PSMD1: variants seen among roughly 807,000 people sequenced by gnomAD.
PSMD1 encodes the protein proteasome 26S subunit, non-ATPase 1, also known as 26S proteasome non-ATPase regulatory subunit 1.
In PSMD1, 18 loss-of-function variants were observed where a neutral mutation model predicts 119.0. The ratio of observed to expected loss-of-function variants is 0.15; its 90% CI spans 0.10 to 0.22. The LOEUF (loss-of-function observed/expected upper bound fraction) is 0.22. Among genes scored for constraint, PSMD1 ranks in the 10% least tolerant of loss-of-function variants. The pLI is 1.00. For synonymous variants in PSMD1, 374 were observed against 396.6 expected (o/e 0.94, Z 0.68); for missense variants, 702 against 1,158.5 (o/e 0.61, Z 5.72).
In PSMD1 at chr2:231,062,264, A is replaced by C. The variant is rs529827494; in HGVS notation, c.77A>C (p.Lys26Thr). Reference protein sequence around the residue: ...EPQLKEFALHKLNAVVNDFWA... With the variant: ...EPQLKEFALHTLNAVVNDFWA... The stretch of plus-strand genomic sequence containing the variant: ...CTTTTACAGGAATTTGCACTACACA[A>C]ATTGAATGCAGTTGTTAATGACTTC... The change falls in exon 3 of 25, where the codon AAA becomes ACA. Residue 26 changes from lysine (K) to threonine (T), a missense_variant. Transcript: ENST00000308696. 1 of 1,612,930 alleles carries C rather than the reference A, an allele frequency of 6.2e-7. No homozygotes were observed. Among genetic ancestry groups the C allele is most frequent in the African/African-American group, 1.3e-5 (1 of 75,034 alleles).
At chr2:231,164,516 T>C (rs1465686809) in intron 21 of PSMD1, among the ~76,000 whole-genome samples, 1 of 152,166 alleles carries the variant, frequency 6.6e-6, no homozygotes, top group African/African-American at 2.4e-5. Context: ...TGTTGATTAT[T>C]TGCTGTAAAT....
chr2:231,057,285 G>GCCACACC (rs1200116176), intron 1 of PSMD1, among the ~76,000 whole-genome samples: 2 of 152,106 alleles, frequency 1.3e-5, no homozygotes, highest in Admixed American at 6.5e-5. Context: ...ACACCCCAGC[G>GCCACACC]CCAGGACCCG....
At chr2:231,098,388 T>C (rs1694775309) in intron 16 of PSMD1, among the ~76,000 whole-genome samples, 1 of 152,148 alleles carries the variant, frequency 6.6e-6, no homozygotes, top group Non-Finnish European at 1.5e-5. Context: ...CTCTCTCTCT[T>C]TGAGTTTCTG....
At chr2:231,062,461 A>T (rs750689800) in intron 3 of PSMD1, 45 bp from the exon 4 acceptor site, 4 of 1,563,042 alleles carry the variant, frequency 2.6e-6, no homozygotes, top group Non-Finnish European at 3.5e-6. Context: ...ATTTTTAGGG[A>T]AAACCACAGT....
intron 1 of PSMD1, among the ~76,000 whole-genome samples, chr2:231,060,153 G>A (rs148740795): frequency 1.8e-4 from 27 of 152,270 alleles, no homozygotes; most frequent in African/African-American, 6.3e-4. Context: ...TTCACTGATT[G>A]AATTTTGAAA....
chr2:231,098,929 G>A (rs897033904), intron 16 of PSMD1, among the ~76,000 whole-genome samples: 12 of 152,174 alleles, frequency 7.9e-5, no homozygotes, highest in African/African-American at 2.9e-4. Context: ...CTTAGGTACA[G>A]AGGGAAATGG....
Position 231,083,681 on chromosome 2 carries a change from G to A in PSMD1, c.1640G>A (p.Gly547Asp). The A allele has an allele frequency of 6.2e-7, 1 of 1,614,204 alleles. No individual in the cohort carries two copies. Among genetic ancestry groups the A allele is most frequent in the African/African-American group, 1.3e-5 (1 of 75,064 alleles). Reference protein sequence around the residue: ...QETQHEKILRGLAVGIALVMY... With the variant: ...QETQHEKILRDLAVGIALVMY... ...ACTCAACATGAGAAGATTCTGCGTG[G>A]TCTTGCAGTTGGCATAGCTTTAGTA... The change falls in exon 14 of 25, where the codon GGT becomes GAT. Residue 547 changes from glycine (G) to aspartate (D), a missense_variant. Physicochemically the swap from Gly to Asp is moderately conservative, Grantham distance 94. Around this residue, in one of 9 missense-constraint regions of PSMD1, gnomAD observed 272 missense variants for 511.6 expected, o/e 0.53. Coordinates refer to ENST00000308696, the MANE Select transcript of PSMD1 (RefSeq NM_002807.4).
chr2:231,117,677 T>C (rs1255665275), intron 16 of PSMD1, among the ~76,000 whole-genome samples: 1 of 152,158 alleles, frequency 6.6e-6, no homozygotes, highest in Non-Finnish European at 1.5e-5. Context: ...TATAAATTTT[T>C]ATTTGTCTCC....
In PSMD1 at chr2:231,138,756, G is replaced by A. The variant is rs149050271; in HGVS notation, c.1904G>A (p.Ser635Asn). Residue 635 changes from serine to asparagine, a missense_variant, in exon 17 of 25, where the codon AGT (serine) becomes AAT (asparagine). Transcript: ENST00000308696. The stretch of plus-strand genomic sequence containing the variant: ...ATCAGAACCCCTGAACAGTGCCCAA[G>A]TGTTGTCTCTTTGTTGTCAGAGAGT... ...ILFRTPEQCPSVVSLLSESYN... is the reference protein window; with the variant it reads ...ILFRTPEQCPNVVSLLSESYN... The A allele has an allele frequency of 7.4e-6, 12 of 1,614,042 alleles. No individual in the cohort carries two copies. The highest frequency in any genetic ancestry group is 2.7e-5 in the African/African-American group (2 of 75,034).
At chr2:231,122,672 T>A (rs905325060) in intron 16 of PSMD1, among the ~76,000 whole-genome samples, 12 of 152,162 alleles carry the variant, frequency 7.9e-5, no homozygotes, top group African/African-American at 1.9e-4. Context: ...ATATCTTTTT[T>A]TTATTATAGC....
At chr2:231,128,315 G>A (rs1332663304) in intron 16 of PSMD1, among the ~76,000 whole-genome samples, 1 of 152,190 alleles carries the variant, frequency 6.6e-6, no homozygotes, top group East Asian at 1.9e-4. Flanking sequence ...GGTAACTATA[G>A]TACAGATAAG....
chr2:231,078,376 G>A lies in PSMD1; in HGVS notation c.1072-283G>A, dbSNP rs75185818. On this transcript the variant is annotated intron_variant, in intron 9 of 24. Transcript: ENST00000308696. ...TTGGGCAAGATGGAGAAGAGAAAAA[G>A]CAAGTTTAATTAAACCAAAGAATAG... Among the ~76,000 whole-genome samples, 134 of 152,250 alleles carry A rather than the reference G, an allele frequency of 8.8e-4. 4 individuals carry two copies. The East Asian group carries it at 0.015, about 17-fold the overall frequency.
intron 16 of PSMD1, among the ~76,000 whole-genome samples, chr2:231,089,567 G>A (rs962481997): frequency 6.6e-6 from 1 of 151,014 alleles, no homozygotes; most frequent in Non-Finnish European, 1.5e-5. Context: ...TATTAGTCAG[G>A]GTTCCCTAGA....
chr2:231,072,392 T>C lies in PSMD1; in HGVS notation c.858T>C (p.Thr286=), dbSNP rs1288503308. 6.2e-7 allele frequency: 1 copy of C among 1,612,652 alleles called. No homozygotes were observed. The highest frequency in any genetic ancestry group is 2.2e-5 in the East Asian group (1 of 44,870). Residue 286 remains threonine, a synonymous_variant, in exon 7 of 25, where the codon ACT becomes ACC. Transcript: ENST00000308696. Reference sequence around the variant, plus strand: ...TGCCTGGATCCACTAATACGGGTACTGTTCCGGGATCAGAGAAAGACAGGT... The same window carrying C: ...TGCCTGGATCCACTAATACGGGTACCGTTCCGGGATCAGAGAAAGACAGGT... The part of the protein sequence containing the change: ...ASVPGSTNTG[T]VPGSEKDSDS...
rs79037316 is a variant in PSMD1, at chr2:231,151,009, G to A, written c.2116-2555G>A. Among the ~76,000 whole-genome samples the A allele has an allele frequency of 7.7e-4, 117 of 152,234 alleles. 2 individuals are homozygous for A. The East Asian group carries it at 0.012, about 16-fold the overall frequency. ...GTATACAAGTAAAAACATGATGAATGTTTAAAATGCAGCTTTTTGAGAAGG... is the reference window on the plus strand; with the variant it reads ...GTATACAAGTAAAAACATGATGAATATTTAAAATGCAGCTTTTTGAGAAGG... On this transcript the variant is annotated intron_variant, in intron 18 of 24. Coordinates refer to ENST00000308696, the MANE Select transcript of PSMD1 (RefSeq NM_002807.4).
At chr2:231,117,079 C>G (rs1695368088) in intron 16 of PSMD1, among the ~76,000 whole-genome samples, 1 of 151,950 alleles carries the variant, frequency 6.6e-6, no homozygotes. Flanking sequence ...TTTTCCTAGT[C>G]TAGAGACTTT....
intron 23 of PSMD1, among the ~76,000 whole-genome samples, chr2:231,167,409 A>G (rs867549607): frequency 1.3e-5 from 2 of 152,386 alleles, no homozygotes; most frequent in Middle Eastern, 3.4e-3. Flanking sequence ...ATGAGGCCAT[A>G]TGAGCACACT....
chr2:231,076,019 T>G (rs1694154580), intron 8 of PSMD1, among the ~76,000 whole-genome samples: 1 of 152,228 alleles, frequency 6.6e-6, no homozygotes. Context: ...GATACCAAAG[T>G]CATTTTATAA....
chr2:231,078,714 T>C lies in PSMD1; in HGVS notation c.1127T>C (p.Met376Thr). The change falls in exon 10 of 25, where the codon ATG (methionine) becomes ACG (threonine). Residue 376 changes from methionine to threonine, a missense_variant. Physicochemically the swap from Met to Thr is moderately conservative, Grantham distance 81 (BLOSUM62 -1). Around this residue, in one of 9 missense-constraint regions of PSMD1, gnomAD observed 272 missense variants for 511.6 expected, o/e 0.53. Coordinates refer to ENST00000308696, the MANE Select transcript of PSMD1 (RefSeq NM_002807.4). ...HTATVIANSF[M>T]HCGTTSDQFL... The stretch of plus-strand genomic sequence containing the variant: ...GCAACCGTTATAGCAAACTCTTTTA[T>C]GCACTGTGGGACAACCAGTGACCAG... The C allele has an allele frequency of 1.2e-6, 2 of 1,610,706 alleles. No homozygotes were observed. Among genetic ancestry groups the C allele is most frequent in the Admixed American group, 1.7e-5 (1 of 59,700 alleles).
Sources: allele counts gnomAD v4.1 joint callset (sites outside exome capture counted in the v4.1 genomes callset), GRCh38; gene constraint gnomAD v4.1.1; regional missense constraint gnomAD v4.1.1; transcripts MANE v1.5; gene names NCBI Gene and HGNC (gene_info 2026-07-23, HGNC 2026-07-21).